Variants in GRB7 observed in about 807,000 individuals in gnomAD.
GRB7 encodes growth factor receptor-bound protein 7.
In GRB7, 47 loss-of-function variants were observed where a neutral mutation model predicts 64.1. That is an observed-to-expected ratio of 0.73 (90% CI 0.58 to 0.94). GRB7 has a LOEUF of 0.94. Among genes scored for constraint, GRB7 ranks in the 40% least tolerant of loss-of-function variants. The pLI is 0.00. For missense variants in GRB7, 634 were observed against 718.4 expected (o/e 0.88, Z 1.34); for synonymous variants, 277 against 279.9 (o/e 0.99, Z 0.10).
At chr17:39,745,180 G>T (rs753991602) in intron 9 of GRB7, 63 bp from the exon 10 acceptor site, 25 of 1,389,630 alleles carry the variant, frequency 1.8e-5, no homozygotes, top group Non-Finnish European at 2.5e-5. Flanking sequence ...GTCTGAGGGG[G>T]GCGTCACAGC....
intron 1 of GRB7, chr17:39,740,246 G>A (rs971297315): frequency 3.7e-6 from 3 of 819,820 alleles, no homozygotes; most frequent in African/African-American, 3.7e-5. Context: ...TCTTGCTAGC[G>A]GGTGATGGGT....
chr17:39,738,810 T>G, intron 1 of GRB7: 1 of 1,189,838 alleles, frequency 8.4e-7, no homozygotes, highest in Non-Finnish European at 1.2e-6. Context: ...CCCCTCCACT[T>G]TGGAGGGCAG....
intron 2 of GRB7, 49 bp from the exon 3 acceptor site, chr17:39,742,517 G>T: frequency 6.2e-7 from 1 of 1,613,048 alleles, no homozygotes; most frequent in Non-Finnish European, 8.5e-7. Flanking sequence ...AGGCTTGCAG[G>T]CCACTGCTCC....
At chr17:39,746,657 A>C in intron 14 of GRB7, 94 bp from the exon 15 acceptor site, 15 of 1,374,484 alleles carry the variant, frequency 1.1e-5, no homozygotes, top group Non-Finnish European at 1.5e-5. Context: ...AAAAAAGAAA[A>C]GAATAAAAGG....
At position 39,747,004 on chromosome 17, in the gene GRB7, C is replaced by T. The variant is rs370800366; in HGVS notation, c.*107C>T. ...CGGCCACAGGGGACGGGATGAGGAGCGGGAGGGTTCCGCCACTCCAGTTTT... is the reference window on the plus strand; with the variant it reads ...CGGCCACAGGGGACGGGATGAGGAGTGGGAGGGTTCCGCCACTCCAGTTTT... On this transcript the variant is annotated 3_prime_UTR_variant, in exon 15 of 15. Transcript: ENST00000309156. The T allele has an allele frequency of 1.6e-5, 20 of 1,258,024 alleles. No individual in the cohort carries two copies. The highest frequency in any genetic ancestry group is 1.5e-4 in the East Asian group (6 of 40,772). The allele number at this position is 1,258,024 out of a possible 1,614,324, so 77.9% of individuals were successfully genotyped here.
intron 9 of GRB7, 100 bp from the exon 10 acceptor site, chr17:39,745,143 A>G: frequency 8.3e-7 from 1 of 1,201,424 alleles, no homozygotes; most frequent in East Asian, 2.4e-5. Context: ...GAAGGCAGAA[A>G]CACAGCCCTG....
chr17:39,744,506 T>G (rs1281259657), intron 7 of GRB7, 47 bp from the exon 8 acceptor site: 1 of 1,473,654 alleles, frequency 6.8e-7, no homozygotes, highest in Non-Finnish European at 9.3e-7. Context: ...GAGGTAATAG[T>G]GGGCGGGATC....
Position 39,743,281 on chromosome 17 carries a change from G to A in GRB7, c.565G>A (p.Glu189Lys), listed in dbSNP as rs769841115. 6.8e-6 allele frequency: 11 copies of A among 1,614,088 alleles called. No individual in the cohort carries two copies. The highest frequency in any genetic ancestry group is 1.3e-5 in the African/African-American group (1 of 74,930). ...CTTCCGGAAAAACTTCGCCAAGTAC[G>A]AACTGTTCAAGAGCTCCCCAGTGAG... The part of the protein sequence containing the change: ...FVFRKNFAKY[E>K]LFKSSPHSLF... The change falls in exon 5 of 15, where the codon GAA becomes AAA. Residue 189 changes from glutamate (E) to lysine (K), a missense_variant. Glu to Lys is a moderately conservative substitution (Grantham distance 56, BLOSUM62 1). This residue lies in a region of GRB7 where 467 missense variants were observed against 576.6 expected (regional missense o/e 0.81). Transcript: ENST00000309156.
At position 39,746,799 on chromosome 17, in the gene GRB7, C is replaced by G. The variant is rs375385929; in HGVS notation, c.1501C>G (p.Arg501Gly). The stretch of plus-strand genomic sequence containing the variant: ...CTTCAGCATGGATGATGGCCAGACC[C>G]GCTTCACTGACCTGCTGCAGCTCGT... ...LYFSMDDGQTRFTDLLQLVEF... is the reference protein window; with the variant it reads ...LYFSMDDGQTGFTDLLQLVEF... The change falls in exon 15 of 15, where the codon CGC (arginine) becomes GGC (glycine). Residue 501 changes from arginine to glycine, a missense_variant. Arg to Gly is a moderately radical substitution (Grantham distance 125). This residue lies in a region of GRB7 where 467 missense variants were observed against 576.6 expected (regional missense o/e 0.81). Transcript: ENST00000309156. The G allele has an allele frequency of 6.2e-7, 1 of 1,614,098 alleles. No homozygotes were observed. Among genetic ancestry groups the G allele is most frequent in the African/African-American group, 1.3e-5 (1 of 75,058 alleles).
rs915798439 is a variant in GRB7, at chr17:39,747,149, G to A, written c.*252G>A. The A allele has an allele frequency of 3.4e-5, 18 of 536,654 alleles. No homozygotes were observed. Among genetic ancestry groups the A allele is most frequent in the Non-Finnish European group, 5.3e-5 (16 of 303,040 alleles). The allele number at this position is 536,654 out of a possible 1,614,324, so 33.2% of individuals were successfully genotyped here. The stretch of plus-strand genomic sequence containing the variant: ...CTCTCCTTCTCCTAGCTCTGGAGGT[G>A]CTGCTCTAGGGCAGGGAATTATGGG... On this transcript the variant is annotated 3_prime_UTR_variant, in exon 15 of 15. Transcript: ENST00000309156.
Position 39,744,222 on chromosome 17 carries a change from G to A in GRB7, c.801+15G>A, listed in dbSNP as rs368623517. On this transcript the variant is annotated intron_variant, in intron 7 of 14. Transcript: ENST00000309156. ...GCACCTCTAAGGTAAGGTCTTGAGG[G>A]TACCAGCCCCAGCCCCTCCAGTCCC... 21 of 1,612,880 alleles carry A rather than the reference G, an allele frequency of 1.3e-5. No individual in the cohort carries two copies. Among genetic ancestry groups the A allele is most frequent in the Admixed American group, 1.2e-4 (7 of 59,924 alleles).
chr17:39,745,744 G>A lies in GRB7; in HGVS notation c.1226G>A (p.Arg409His), dbSNP rs368687505. Residue 409 changes from arginine (R) to histidine (H), a missense_variant, in exon 12 of 15, where the codon CGC (arginine) becomes CAC (histidine). Arg to His is a conservative substitution (Grantham distance 29). This residue lies in a region of GRB7 where 467 missense variants were observed against 576.6 expected (regional missense o/e 0.81). Transcript: ENST00000309156. ...GCTCCACAGAAGAAGACAAACCACC[G>A]CCTCAGCCTGCCCATGCCAGCCTCC... ...AQAWRKKTNH[R>H]LSLPMPASGT... The A allele has an allele frequency of 2.9e-5, 47 of 1,613,714 alleles. No homozygotes were observed. The highest frequency in any genetic ancestry group is 2.3e-4 in the African/African-American group (17 of 74,918).
chr17:39,743,574 C>G, intron 6 of GRB7, 104 bp downstream of exon 6: 1 of 906,488 alleles, frequency 1.1e-6, no homozygotes, highest in Non-Finnish European at 1.8e-6. Flanking sequence ...GTAGAAAGAG[C>G]CAAATCACAG....
intron 14 of GRB7, 97 bp downstream of exon 14, chr17:39,746,299 C>A: frequency 1.1e-6 from 1 of 936,392 alleles, no homozygotes; most frequent in Non-Finnish European, 1.7e-6. Context: ...CCCTGGCCCC[C>A]AGTGCGTCTC....
chr17:39,745,210 G>T (rs200090305), intron 9 of GRB7, 33 bp from the exon 10 acceptor site: 2 of 1,546,536 alleles, frequency 1.3e-6, no homozygotes, highest in East Asian at 2.3e-5. Context: ...AGGACCTCTC[G>T]ACCTCAAGCT....
In GRB7 at chr17:39,746,750, G is replaced by C. The variant is rs1348691951; in HGVS notation, c.1453-1G>C. 1 of 1,613,688 alleles carries C rather than the reference G, an allele frequency of 6.2e-7. No homozygotes were observed. Among genetic ancestry groups the C allele is most frequent in the African/African-American group, 1.3e-5 (1 of 74,938 alleles). ...CTTCCACCCCCTTTACTGTACCCCA[G>C]AGCGAGGAGGAGGGCCGCCTGTACT... is the stretch of plus-strand genomic sequence containing the variant. On this transcript the variant is annotated splice_acceptor_variant, in intron 14 of 14. Transcript: ENST00000309156. LOFTEE classifies it high-confidence loss of function.
At position 39,743,291 on chromosome 17, in the gene GRB7, A is replaced by G. The variant is rs775511868; in HGVS notation, c.575A>G (p.Lys192Arg). Residue 192 changes from lysine (K) to arginine (R), a missense_variant, in exon 5 of 15, where the codon AAG (lysine) becomes AGG (arginine). Coordinates refer to ENST00000309156, the MANE Select transcript of GRB7 (RefSeq NM_005310.5). ...AACTTCGCCAAGTACGAACTGTTCAAGAGCTCCCCAGTGAGTGCATGAGGG... is the reference window on the plus strand; with the variant it reads ...AACTTCGCCAAGTACGAACTGTTCAGGAGCTCCCCAGTGAGTGCATGAGGG... ...RKNFAKYELF[K>R]SSPHSLFPEK... 4 of 1,614,112 alleles carry G rather than the reference A, an allele frequency of 2.5e-6. No homozygotes were observed. Among genetic ancestry groups the G allele is most frequent in the Admixed American group, 3.3e-5 (2 of 60,010 alleles).
intron 1 of GRB7, 34 bp downstream of exon 1, chr17:39,738,167 C>T (rs1156839931): frequency 6.6e-6 from 1 of 152,402 alleles, no homozygotes. Context: ...AGACGACAGC[C>T]TGCCAGGCAA....
Position 39,745,990 on chromosome 17 carries a change from T to C in GRB7, c.1348T>C (p.Leu450=). The C allele has an allele frequency of 3.1e-6, 5 of 1,614,006 alleles. No individual in the cohort carries two copies. The highest frequency in any genetic ancestry group is 3.4e-6 in the Non-Finnish European group (4 of 1,179,924). ...ESQRLIGQQG[L]VDGLFLVRES... is the part of the protein sequence containing the mutation. ...CCAGCGGCTTATTGGACAGCAGGGC[T>C]TGGTAGACGGGTAAGGGGCAGGGCC... is the stretch of plus-strand genomic sequence containing the variant. The change falls in exon 13 of 15, where the codon TTG becomes CTG. Residue 450 remains leucine (L), a synonymous_variant. Coordinates refer to ENST00000309156, the MANE Select transcript of GRB7 (RefSeq NM_005310.5).
Sources: gnomAD v4.1 joint callset for allele counts on GRCh38, gnomAD v4.1.1 for gene constraint, gnomAD v4.1.1 regional missense constraint, MANE v1.5 for transcripts, NCBI Gene and HGNC (gene_info 2026-07-23, HGNC 2026-07-21) for gene names.